Variants in PHF12 observed in about 807,000 individuals in gnomAD.
PHF12 encodes PHD factor 1.
Under a neutral mutation model 99.8 loss-of-function variants are expected in PHF12, and 6 were observed. That is an observed-to-expected ratio of 0.06 (90% CI 0.03 to 0.12). The LOEUF is 0.12. Among genes scored for constraint, PHF12 ranks in the 10% least tolerant of loss-of-function variants. The pLI, the probability that PHF12 is intolerant of heterozygous loss-of-function variation, is 1.00. For synonymous variants in PHF12, 480 were observed against 514.9 expected (o/e 0.93, Z 0.92); for missense variants, 954 against 1,300.1 (o/e 0.73, Z 4.09).
intron 2 of PHF12, among the ~76,000 whole-genome samples, chr17:28,940,369 G>A (rs1414728622): frequency 6.6e-6 from 1 of 152,234 alleles, no homozygotes; most frequent in Admixed American, 6.5e-5. Flanking sequence ...TAGCAAAAGG[G>A]AAAGTAGGCA....
rs1010450017 is a variant in PHF12 at position 28,906,065 on chromosome 17, T to C, written c.*118A>G. 47 of 942,752 alleles carry C rather than the reference T, an allele frequency of 5.0e-5. No homozygotes were observed. Among genetic ancestry groups the C allele is most frequent in the Non-Finnish European group, 3.9e-5 (26 of 662,494 alleles). The allele number at this position is 942,752 out of a possible 1,614,324, so 58.4% of individuals were successfully genotyped here. ...AGGTTTTCTTCATTTCATGCAAAGA[T>C]TGTAGTTGAAGGGTTTCTGGTAGAG... On this transcript the variant is annotated 3_prime_UTR_variant, in exon 15 of 15. Transcript: ENST00000332830. The surrounding 1 kb of genome is among the most constrained non-coding windows in gnomAD (Gnocchi z 4.2).
chr17:28,950,837 G>A lies in PHF12; in HGVS notation c.66+58C>T. On this transcript the variant is annotated intron_variant, in intron 1 of 14. Coordinates refer to ENST00000332830, the MANE Select transcript of PHF12 (RefSeq NM_001033561.2). The surrounding 1 kb of genome is among the most constrained non-coding windows in gnomAD (Gnocchi z 5.7). Reference sequence around the variant, plus strand: ...GAGTTTAGGACTGGCTTTGTGGGGCGGAGGGCGGAGGTTCCCTCCCGGCGC... The same window carrying A: ...GAGTTTAGGACTGGCTTTGTGGGGCAGAGGGCGGAGGTTCCCTCCCGGCGC... 1 of 1,601,818 alleles carries A rather than the reference G, an allele frequency of 6.2e-7. No individual in the cohort carries two copies. Among genetic ancestry groups the A allele is most frequent in the Non-Finnish European group, 8.5e-7 (1 of 1,172,676 alleles).
chr17:28,914,379 T>G (rs1011726452), intron 7 of PHF12, among the ~76,000 whole-genome samples: 1 of 151,966 alleles, frequency 6.6e-6, no homozygotes, highest in Non-Finnish European at 1.5e-5. Context: ...CACTGAGAGA[T>G]AAAAATGCTT....
chr17:28,912,460 C>T (rs766903463), intron 9 of PHF12, 22 bp downstream of exon 9: 2 of 1,557,524 alleles, frequency 1.3e-6, no homozygotes, highest in Non-Finnish European at 1.7e-6. Flanking sequence ...TCCAAATCAA[C>T]CCAAGGCTGA....
At position 28,951,216 on chromosome 17, in the gene PHF12, C is replaced by A; in HGVS notation, c.-256G>T. On this transcript the variant is annotated 5_prime_UTR_variant, in exon 1 of 15. Transcript: ENST00000332830. ...CTGGCTGCACAGTGGGTCCCGGCTC[C>A]GGGGGTCAGGCCTCGGCGGGGCCTA... The A allele has an allele frequency of 7.4e-7, 1 of 1,357,098 alleles. No individual in the cohort carries two copies. The highest frequency in any genetic ancestry group is 9.5e-7 in the Non-Finnish European group (1 of 1,055,314). The allele number at this position is 1,357,098 out of a possible 1,614,324, so 84.1% of individuals were successfully genotyped here.
chr17:28,913,357 C>T (rs2040004049), intron 8 of PHF12, 80 bp from the exon 9 acceptor site: 2 of 1,519,776 alleles, frequency 1.3e-6, no homozygotes, highest in Admixed American at 4.2e-5. Context: ...AGGGCTGCAG[C>T]AGAGCTGACA....
In PHF12 at chr17:28,917,387, G is replaced by C. The variant is rs902452685; in HGVS notation, c.1032C>G (p.Thr344=). 2.5e-6 allele frequency: 4 copies of C among 1,614,050 alleles called. No individual in the cohort carries two copies. Among genetic ancestry groups the C allele is most frequent in the Non-Finnish European group, 3.4e-6 (4 of 1,179,972 alleles). The part of the protein sequence containing the change: ...RCQVFDRFQD[T]VSQHVVKVDF... ...CCACTTTGACGACATGCTGCGAAAC[G>C]GTGTCCTGGAAACGATCAAACACCT... Residue 344 remains threonine, a synonymous_variant, in exon 7 of 15, where the codon ACC becomes ACG. Coordinates refer to ENST00000332830, the MANE Select transcript of PHF12 (RefSeq NM_001033561.2).
At chr17:28,929,108 A>T (rs990912464) in intron 2 of PHF12, among the ~76,000 whole-genome samples, 3 of 151,774 alleles carry the variant, frequency 2.0e-5, no homozygotes, top group Admixed American at 6.6e-5. Context: ...AAACAAAACA[A>T]CAACAACAAC....
At position 28,907,039 on chromosome 17, in the gene PHF12, G is replaced by C. The variant is rs1382364048; in HGVS notation, c.2542-45C>G. On this transcript the variant is annotated intron_variant, in intron 13 of 14. Transcript: ENST00000332830. ...ATAAGATGTGTGGTCTGCTGTGTGG[G>C]GCCTGGGGCTAAGGGGAGAGAGGAC... 2.6e-6 allele frequency: 4 copies of C among 1,560,722 alleles called. No individual in the cohort carries two copies. In the South Asian group the frequency reaches 3.6e-5, roughly 14 times the overall value.
chr17:28,918,070 T>C (rs1378733470), intron 6 of PHF12, among the ~76,000 whole-genome samples: 1 of 152,252 alleles, frequency 6.6e-6, no homozygotes, highest in Non-Finnish European at 1.5e-5. Context: ...GAAGAGTTTC[T>C]GCAATAATAT....
chr17:28,922,514 G>C (rs1170586688), intron 4 of PHF12, among the ~76,000 whole-genome samples: 2 of 151,358 alleles, frequency 1.3e-5, no homozygotes, highest in Non-Finnish European at 2.9e-5. Flanking sequence ...CAAGAAGCCA[G>C]GACTTAAAAA....
chr17:28,937,211 T>C (rs899522610), intron 2 of PHF12, among the ~76,000 whole-genome samples: 1 of 152,196 alleles, frequency 6.6e-6, no homozygotes, highest in African/African-American at 2.4e-5. Context: ...TTTAATGAAA[T>C]GTAAATGTCA....
chr17:28,913,304 G>A, intron 8 of PHF12, 27 bp from the exon 9 acceptor site: 1 of 1,575,138 alleles, frequency 6.3e-7, no homozygotes, highest in Non-Finnish European at 8.6e-7. Context: ...GGAGAGGGGG[G>A]TGAGAAGCCT....
At chr17:28,921,848 C>T in intron 4 of PHF12, 40 bp from the exon 5 acceptor site, 2 of 1,610,926 alleles carry the variant, frequency 1.2e-6, no homozygotes. Context: ...TCCCTGGCTT[C>T]AGAGTTCCTA....
At position 28,951,340 on chromosome 17, in the gene PHF12, G is replaced by A. The variant is rs1311619444; in HGVS notation, c.-380C>T. On this transcript the variant is annotated 5_prime_UTR_variant, in exon 1 of 15. Transcript: ENST00000332830. ...GCTGGGGGTATCGGAGGGGGGGTGA[G>A]AGGTTACGTGAGGTTGTGGTACGTG... 9.7e-7 allele frequency: 1 copy of A among 1,032,756 alleles called. No homozygotes were observed. The highest frequency in any genetic ancestry group is 1.2e-6 in the Non-Finnish European group (1 of 857,726). The allele number at this position is 1,032,756 out of a possible 1,614,324, so 64.0% of individuals were successfully genotyped here.
intron 2 of PHF12, among the ~76,000 whole-genome samples, chr17:28,935,390 G>C (rs891009120): frequency 6.6e-6 from 1 of 152,130 alleles, no homozygotes; most frequent in African/African-American, 2.4e-5. Flanking sequence ...TTGTGCCTCA[G>C]CCTCCTGAGT....
At position 28,912,630 on chromosome 17, in the gene PHF12, T is replaced by C. The variant is rs1424422000; in HGVS notation, c.1941A>G (p.Gln647=). 21 of 1,614,052 alleles carry C rather than the reference T, an allele frequency of 1.3e-5. No homozygotes were observed. Among genetic ancestry groups the C allele is most frequent in the Admixed American group, 1.7e-5 (1 of 60,004 alleles). Residue 647 remains glutamine, a synonymous_variant, in exon 9 of 15, where the codon CAA becomes CAG. Coordinates refer to ENST00000332830, the MANE Select transcript of PHF12 (RefSeq NM_001033561.2). Reference sequence around the variant, plus strand: ...CTGTCAACGGAGGTCCTATCTGTGATTGGACAGTCTTTCTTTGCAAAGTGC... The same window carrying C: ...CTGTCAACGGAGGTCCTATCTGTGACTGGACAGTCTTTCTTTGCAAAGTGC... The part of the protein sequence containing the change: ...NTSTLQRKTV[Q]SQIGPPLTDS...
intron 3 of PHF12, chr17:28,925,339 G>A (rs992685603): frequency 2.0e-5 from 3 of 152,216 alleles, no homozygotes; most frequent in African/African-American, 4.8e-5. Context: ...TCATATATAC[G>A]AAAGGGATAA....
Position 28,906,682 on chromosome 17 carries a change from G to A in PHF12, c.2681-165C>T, listed in dbSNP as rs1471967539. 1.1e-5 allele frequency: 13 copies of A among 1,200,708 alleles called. No homozygotes were observed. In the East Asian group the frequency reaches 3.2e-4, roughly 30 times the overall value. 74.4% of individuals were successfully genotyped at this position (1,200,708 alleles called of 1,614,324 possible). On this transcript the variant is annotated intron_variant, in intron 14 of 14. Transcript: ENST00000332830. This position sits in a 1 kb window ranked among gnomAD's most constrained non-coding sequence, Gnocchi z 4.2. The stretch of plus-strand genomic sequence containing the variant: ...TGGAGTCTGAAGTCCCCACAGGTGT[G>A]TACACACATGGGGGTACTCAGCACT...
Sources: allele counts gnomAD v4.1 joint callset (sites outside exome capture counted in the v4.1 genomes callset), GRCh38; gene constraint gnomAD v4.1.1; non-coding constraint Gnocchi (gnomAD v3.1); transcripts MANE v1.5; gene names NCBI Gene and HGNC (gene_info 2026-07-23, HGNC 2026-07-21).